The following MTUS2 variants were observed in gnomAD, a reference collection of about 807,000 sequenced individuals.
The protein encoded by MTUS2 is microtubule associated scaffold protein 2.
In MTUS2, 40 loss-of-function variants were observed where a neutral mutation model predicts 114.1. The ratio of observed to expected loss-of-function variants is 0.35; its 90% CI spans 0.27 to 0.46. The LOEUF is 0.46. Among genes scored for constraint, MTUS2 ranks in the 20% least tolerant of loss-of-function variants. The pLI is 1.00. For synonymous variants in MTUS2, 688 were observed against 672.0 expected (o/e 1.02, Z -0.37); for missense variants, 1,679 against 1,705.4 (o/e 0.98, Z 0.27).
intron 5 of MTUS2, among the ~76,000 whole-genome samples, chr13:29,122,540 C>T (rs193144279): frequency 6.6e-6 from 1 of 152,108 alleles, no homozygotes; most frequent in Non-Finnish European, 1.5e-5. Flanking sequence ...ATTCAGTTAC[C>T]TCTCACTGGG....
At chr13:29,495,097 T>C (rs1214031433) in intron 12 of MTUS2, among the ~76,000 whole-genome samples, 3 of 144,132 alleles carry the variant, frequency 2.1e-5, no homozygotes, top group African/African-American at 5.2e-5. Flanking sequence ...GGCAGGAGAA[T>C]CGCTTGAACC....
At chr13:29,344,790 G>T (rs1475352694) in intron 7 of MTUS2, among the ~76,000 whole-genome samples, 3 of 152,074 alleles carry the variant, frequency 2.0e-5, no homozygotes, top group Non-Finnish European at 4.4e-5. Flanking sequence ...GTTCTATTTT[G>T]ATGTATTTTG....
intron 6 of MTUS2, among the ~76,000 whole-genome samples, chr13:29,311,561 C>G (rs1357551150): frequency 1.3e-5 from 2 of 152,134 alleles, no homozygotes; most frequent in Admixed American, 6.5e-5. Flanking sequence ...GTACTTCTCT[C>G]TAATGAATAC....
At chr13:29,175,579 T>G (rs1254009729) in intron 5 of MTUS2, among the ~76,000 whole-genome samples, 1 of 152,212 alleles carries the variant, frequency 6.6e-6, no homozygotes, top group African/African-American at 2.4e-5. Context: ...TGGGAAGCAT[T>G]GTGGCATTTG....
At chr13:29,190,439 G>C (rs532289178) in intron 5 of MTUS2, among the ~76,000 whole-genome samples, 3 of 152,344 alleles carry the variant, frequency 2.0e-5, no homozygotes, top group Non-Finnish European at 4.4e-5. Flanking sequence ...TGCACACCCA[G>C]GTCGCCTGGC....
At chr13:28,886,418 G>A (rs1298596509) in intron 2 of MTUS2, among the ~76,000 whole-genome samples, 1 of 152,208 alleles carries the variant, frequency 6.6e-6, no homozygotes, top group Non-Finnish European at 1.5e-5. Flanking sequence ...AGAAGTGGTC[G>A]AAATCGGATT....
chr13:28,832,661 T>A (rs1028965564), intron 1 of MTUS2, among the ~76,000 whole-genome samples: 4 of 147,866 alleles, frequency 2.7e-5, no homozygotes, highest in African/African-American at 7.4e-5. Flanking sequence ...TATATTAAAA[T>A]TGTATATATT....
intron 5 of MTUS2, among the ~76,000 whole-genome samples, chr13:29,108,122 G>T (rs549171775): frequency 2.6e-5 from 4 of 152,234 alleles, no homozygotes; most frequent in African/African-American, 9.6e-5. Context: ...ATAAGATCAG[G>T]GTTGACAAGA....
At chr13:28,885,899 G>T (rs1444899818) in intron 2 of MTUS2, among the ~76,000 whole-genome samples, 1 of 152,184 alleles carries the variant, frequency 6.6e-6, no homozygotes, top group African/African-American at 2.4e-5. Context: ...AGAAGGGAAG[G>T]CTGTAGGATG....
intron 2 of MTUS2, among the ~76,000 whole-genome samples, chr13:28,844,601 GTGTGTGTGTGTA>G: frequency 6.6e-6 from 1 of 151,742 alleles, no homozygotes; most frequent in East Asian, 1.9e-4. Flanking sequence ...GTGTGTGTGT[GTGTGTGTGTGTA>G]TGTGTGTGTG....
At chr13:28,830,516 T>A (rs941214542) in intron 1 of MTUS2, among the ~76,000 whole-genome samples, 4 of 129,544 alleles carry the variant, frequency 3.1e-5, no homozygotes, top group Non-Finnish European at 6.7e-5. Context: ...AATGAAAAAA[T>A]TTACTAGAGA....
rs368638027 is a variant in MTUS2, at chr13:29,345,839, CA to C, written c.2906-13422del. ...CTATTGTTCAGATTCTTCTGTCCCA[CA>C]GGGTGCTCCCTTGATGTGGTGTTCT... is the stretch of plus-strand genomic sequence containing the variant. On this transcript the variant is annotated intron_variant, in intron 7 of 15. Transcript: ENST00000612955. 3.0e-4 allele frequency among the ~76,000 whole-genome samples: 46 copies of C among 152,258 alleles called. No homozygotes were observed. In the East Asian group the frequency reaches 8.6e-3, roughly 28 times the overall value.
At chr13:29,063,132 T>A (rs888799175) in intron 4 of MTUS2, among the ~76,000 whole-genome samples, 2 of 152,172 alleles carry the variant, frequency 1.3e-5, no homozygotes, top group African/African-American at 2.4e-5. Flanking sequence ...GTTAGAATCC[T>A]CATTTCTAAG....
rs371138068 is a variant in MTUS2, at chr13:28,913,197, C to G, written c.-243+73347C>G. ...GGCATCCTTGTCTTGTGCCAGTTTT[C>G]AAGGGGAATGTTTCCAGCTTTTGCC... On this transcript the variant is annotated intron_variant, in intron 2 of 15. Coordinates refer to ENST00000612955, the MANE Select transcript of MTUS2 (RefSeq NM_001033602.4). Among the ~76,000 whole-genome samples the G allele has an allele frequency of 3.3e-5, 5 of 152,142 alleles. No individual in the cohort carries two copies. In the East Asian group the frequency reaches 7.7e-4, roughly 23 times the overall value.
At chr13:29,400,230 G>A (rs141378585) in intron 8 of MTUS2, among the ~76,000 whole-genome samples, 13 of 152,280 alleles carry the variant, frequency 8.5e-5, no homozygotes, top group African/African-American at 3.1e-4. Context: ...TCTCAGAAAG[G>A]TCTGAGATAG....
intron 9 of MTUS2, 63 bp downstream of exon 9, chr13:29,440,112 T>C (rs1593445579): frequency 1.3e-6 from 2 of 1,484,706 alleles, no homozygotes; most frequent in East Asian, 2.4e-5. Flanking sequence ...TGTGAATGTG[T>C]ACCAAAAGCA....
intron 5 of MTUS2, among the ~76,000 whole-genome samples, chr13:29,195,609 G>A (rs1391062775): frequency 6.9e-6 from 1 of 145,210 alleles, no homozygotes; most frequent in African/African-American, 2.6e-5. Flanking sequence ...CATGTTGAAA[G>A]ATGCAGAGAG....
intron 6 of MTUS2, among the ~76,000 whole-genome samples, chr13:29,291,132 G>T (rs1898694658): frequency 6.6e-6 from 1 of 152,152 alleles, no homozygotes; most frequent in African/African-American, 2.4e-5. Context: ...GAACTGTCCA[G>T]AGGAGGTTGC....
intron 2 of MTUS2, among the ~76,000 whole-genome samples, chr13:28,900,537 A>G (rs900592889): frequency 3.3e-5 from 5 of 152,244 alleles, no homozygotes; most frequent in African/African-American, 1.2e-4. Flanking sequence ...ATGTAACAAT[A>G]CAGTGTGTAA....
Sources: allele counts gnomAD v4.1 joint callset (sites outside exome capture counted in the v4.1 genomes callset), GRCh38; gene constraint gnomAD v4.1.1; transcripts MANE v1.5; gene names NCBI Gene and HGNC (gene_info 2026-07-23, HGNC 2026-07-21).